The following RALGAPA2 variants were observed in gnomAD, a reference collection of about 807,000 sequenced individuals.
The protein encoded by RALGAPA2 is Ral GTPase activating protein catalytic subunit alpha 2, also known as ral GTPase-activating protein subunit alpha-2.
A neutral mutation model predicts 230.4 loss-of-function variants in RALGAPA2; 139 were observed. That is an observed-to-expected ratio of 0.60 (90% CI 0.53 to 0.69). RALGAPA2 has a LOEUF of 0.69. Ranked by LOEUF, RALGAPA2 falls within the 30% of genes least tolerant of loss-of-function variation. RALGAPA2 has a pLI of 0.00. For missense variants in RALGAPA2, 2,163 were observed against 2,276.0 expected (o/e 0.95, Z 1.01); for synonymous variants, 847 against 837.8 (o/e 1.01, Z -0.19).
chr20:20,454,467 A>T (rs1175698910), intron 37 of RALGAPA2, among the ~76,000 whole-genome samples: 1 of 152,230 alleles, frequency 6.6e-6, no homozygotes, highest in Non-Finnish European at 1.5e-5. Context: ...CCTGGTTCAA[A>T]CTTGTCTCCC....
At chr20:20,635,349 A>G (rs2066821713) in intron 9 of RALGAPA2, 69 bp downstream of exon 9, 1 of 1,446,628 alleles carries the variant, frequency 6.9e-7, no homozygotes, top group South Asian at 1.2e-5. Flanking sequence ...ACAATCAATA[A>G]CTTTGGCTAT....
chr20:20,666,581 G>A (rs1198223285), intron 3 of RALGAPA2, among the ~76,000 whole-genome samples: 1 of 152,194 alleles, frequency 6.6e-6, no homozygotes, highest in Non-Finnish European at 1.5e-5. Flanking sequence ...GGAGCAGCAC[G>A]GAAGGATGGC....
chr20:20,665,546 G>C (rs2067931850), intron 3 of RALGAPA2, among the ~76,000 whole-genome samples: 1 of 152,188 alleles, frequency 6.6e-6, no homozygotes, highest in Non-Finnish European at 1.5e-5. Context: ...AAGGGAGACT[G>C]CAGTCTTTAA....
intron 13 of RALGAPA2, among the ~76,000 whole-genome samples, chr20:20,613,394 C>T (rs899826129): frequency 2.0e-5 from 3 of 152,198 alleles, no homozygotes; most frequent in African/African-American, 7.2e-5. Flanking sequence ...ACCAGTTATT[C>T]CCTATTTCAG....
intron 37 of RALGAPA2, among the ~76,000 whole-genome samples, chr20:20,456,983 A>T (rs1471387322): frequency 1.3e-5 from 2 of 152,212 alleles, no homozygotes; most frequent in East Asian, 3.8e-4. Flanking sequence ...TGCAAAAATC[A>T]TGATGCTTAA....
chr20:20,630,675 C>T (rs2066642418), intron 9 of RALGAPA2, among the ~76,000 whole-genome samples: 1 of 152,180 alleles, frequency 6.6e-6, no homozygotes, highest in Non-Finnish European at 1.5e-5. Flanking sequence ...CTATCTGAAG[C>T]TTCAGCAGGA....
At chr20:20,498,097 AAAG>A (rs2062264925) in intron 35 of RALGAPA2, among the ~76,000 whole-genome samples, 1 of 152,216 alleles carries the variant, frequency 6.6e-6, no homozygotes, top group Admixed American at 6.5e-5. Context: ...TGCCCAATTT[AAAG>A]AAGAGTCCAT....
At chr20:20,700,133 A>G (rs1175779854) in intron 1 of RALGAPA2, among the ~76,000 whole-genome samples, 3 of 152,214 alleles carry the variant, frequency 2.0e-5, no homozygotes, top group African/African-American at 7.2e-5. Flanking sequence ...GCCATAAAAA[A>G]GAATGAAATC....
At chr20:20,553,686 A>G (rs965958631) in intron 23 of RALGAPA2, among the ~76,000 whole-genome samples, 1 of 152,234 alleles carries the variant, frequency 6.6e-6, no homozygotes, top group Non-Finnish European at 1.5e-5. Context: ...TCCTGAGGCC[A>G]CAGGAGCTGT....
chr20:20,559,659 TA>T (rs896520300), intron 23 of RALGAPA2, among the ~76,000 whole-genome samples: 15 of 150,960 alleles, frequency 9.9e-5, no homozygotes, highest in Admixed American at 4.6e-4. Context: ...TTTAGGGGCC[TA>T]AAAACAACTT....
At position 20,685,230 on chromosome 20, in the gene RALGAPA2, G is replaced by A. The variant is rs538875577; in HGVS notation, c.107-4429C>T. On this transcript the variant is annotated intron_variant, in intron 1 of 39. Coordinates refer to ENST00000202677, the MANE Select transcript of RALGAPA2 (RefSeq NM_020343.4). ...GCCCCTATCCATGTCAACAAGTGCGGTGCTAAGCTTTAAAAAATTCAAAGA... is the reference window on the plus strand; with the variant it reads ...GCCCCTATCCATGTCAACAAGTGCGATGCTAAGCTTTAAAAAATTCAAAGA... Among the ~76,000 whole-genome samples the A allele has an allele frequency of 5.3e-5, 8 of 152,198 alleles. No individual in the cohort carries two copies. The East Asian group carries it at 1.4e-3, about 26-fold the overall frequency.
chr20:20,576,273 G>C (rs958669369), intron 20 of RALGAPA2, among the ~76,000 whole-genome samples: 1 of 152,008 alleles, frequency 6.6e-6, no homozygotes, highest in Non-Finnish European at 1.5e-5. Context: ...ACTTCATTGA[G>C]ATTTCCTTAG....
intron 4 of RALGAPA2, among the ~76,000 whole-genome samples, chr20:20,647,030 T>C (rs1231913913): frequency 6.6e-6 from 1 of 152,182 alleles, no homozygotes; most frequent in Non-Finnish European, 1.5e-5. Flanking sequence ...TTCCTGGCTC[T>C]GAAGAAAGCA....
At chr20:20,489,447 C>T (rs542839217) in intron 36 of RALGAPA2, among the ~76,000 whole-genome samples, 4 of 151,894 alleles carry the variant, frequency 2.6e-5, no homozygotes, top group African/African-American at 9.7e-5. Context: ...AGTAACACCA[C>T]ACTTCAAAGA....
At chr20:20,486,265 A>C (rs2061908422) in intron 36 of RALGAPA2, among the ~76,000 whole-genome samples, 1 of 151,246 alleles carries the variant, frequency 6.6e-6, no homozygotes, top group Non-Finnish European at 1.5e-5. Context: ...ATGATGAAGG[A>C]AAGGCAAGGC....
chr20:20,619,287 G>A lies in RALGAPA2; in HGVS notation c.1529C>T (p.Ala510Val). 1.2e-6 allele frequency: 2 copies of A among 1,601,314 alleles called. No homozygotes were observed. Among genetic ancestry groups the A allele is most frequent in the Non-Finnish European group, 1.7e-6 (2 of 1,172,012 alleles). The change falls in exon 12 of 40, where the codon GCT becomes GTT. Residue 510 changes from alanine (A) to valine (V), a missense_variant. Transcript: ENST00000202677. ...TGGCCAGCCACATACCTGCAACAAAGCCTGGACGCCGGCTTTCACATTTGT... is the reference window on the plus strand; with the variant it reads ...TGGCCAGCCACATACCTGCAACAAAACCTGGACGCCGGCTTTCACATTTGT... ...ENTNVKAGVQ[A>V]LLQVFLTNSA...
chr20:20,616,191 C>T lies in RALGAPA2; in HGVS notation c.1540G>A (p.Val514Ile). The T allele has an allele frequency of 6.7e-7, 1 of 1,501,048 alleles. No individual in the cohort carries two copies. Among genetic ancestry groups the T allele is most frequent in the Non-Finnish European group, 8.9e-7 (1 of 1,125,740 alleles). 93.0% of individuals were successfully genotyped at this position (1,501,048 alleles called of 1,614,324 possible). A position where few individuals can be genotyped will look rare whatever the true frequency, so the allele number is the denominator to read the frequency against. Residue 514 changes from valine to isoleucine, a missense_variant and splice_region_variant, in exon 13 of 40, where the codon GTA becomes ATA. Transcript: ENST00000202677. ...ATGTTTGCAGAGTTCGTCAAAAATA[C>T]CTTAAAATCAACAACTTTACATTAG... is the stretch of plus-strand genomic sequence containing the variant. ...VKAGVQALLQ[V>I]FLTNSANIFL...
At position 20,646,148 on chromosome 20, in the gene RALGAPA2, G is replaced by C. The variant is rs371432785; in HGVS notation, c.329-2599C>G. 2.7e-4 allele frequency among the ~76,000 whole-genome samples: 41 copies of C among 151,906 alleles called. No homozygotes were observed. The East Asian group carries it at 7.8e-3, about 29-fold the overall frequency. Reference sequence around the variant, plus strand: ...CAGCTTACTGCAACCTCCGCCTCTAGGGCTCAAGTGATTCTTGTTCCCCAG... The same window carrying C: ...CAGCTTACTGCAACCTCCGCCTCTACGGCTCAAGTGATTCTTGTTCCCCAG... On this transcript the variant is annotated intron_variant, in intron 4 of 39. Coordinates refer to ENST00000202677, the MANE Select transcript of RALGAPA2 (RefSeq NM_020343.4).
intron 17 of RALGAPA2, among the ~76,000 whole-genome samples, chr20:20,590,236 T>C (rs542907681): frequency 2.6e-4 from 40 of 152,242 alleles, no homozygotes; most frequent in African/African-American, 9.1e-4. Flanking sequence ...AGTGAAATTA[T>C]GTTAAAATAT....
Sources: gnomAD v4.1 joint callset for allele counts (sites outside exome capture counted in the v4.1 genomes callset) on GRCh38, gnomAD v4.1.1 for gene constraint, MANE v1.5 for transcripts, NCBI Gene and HGNC (gene_info 2026-07-23, HGNC 2026-07-21) for gene names.